ARHGAP15: variants seen among roughly 807,000 people sequenced by gnomAD.
ARHGAP15 encodes rho GTPase-activating protein 15.
In ARHGAP15, 51 loss-of-function variants were observed where a neutral mutation model predicts 63.7. That is an observed-to-expected ratio of 0.80 (90% CI 0.64 to 1.01). ARHGAP15 has a LOEUF of 1.01. ARHGAP15 is among the 50% of genes least tolerant of loss of function. ARHGAP15 has a pLI of 0.00. For synonymous variants in ARHGAP15, 191 were observed against 193.8 expected (o/e 0.99, Z 0.12); for missense variants, 560 against 564.6 (o/e 0.99, Z 0.08).
chr2:143,703,406 T>C lies in ARHGAP15; in HGVS notation c.1139-13T>C. On this transcript the variant is annotated splice_polypyrimidine_tract_variant and intron_variant, in intron 12 of 13. Transcript: ENST00000295095. ...GTTTTTTCCCTAACCTTCCTTTTTA[T>C]TTTTTTTTCCAGAAAAGCAAGACAA... The C allele has an allele frequency of 6.5e-7, 1 of 1,543,504 alleles. No homozygotes were observed. The highest frequency in any genetic ancestry group is 1.2e-5 in the South Asian group (1 of 83,712).
intron 6 of ARHGAP15, among the ~76,000 whole-genome samples, chr2:143,296,985 T>G (rs553920776): frequency 2.0e-5 from 3 of 152,094 alleles, no homozygotes; most frequent in African/African-American, 2.4e-5. Flanking sequence ...TTAGGTTATA[T>G]GCTTATTTGT....
chr2:143,408,515 A>T (rs964692403), intron 6 of ARHGAP15, among the ~76,000 whole-genome samples: 1 of 151,746 alleles, frequency 6.6e-6, no homozygotes, highest in Non-Finnish European at 1.5e-5. Flanking sequence ...AGATTAGATT[A>T]AGAATTTCCT....
intron 13 of ARHGAP15, among the ~76,000 whole-genome samples, chr2:143,710,633 T>G (rs1228654072): frequency 6.6e-6 from 1 of 152,220 alleles, no homozygotes; most frequent in Non-Finnish European, 1.5e-5. Flanking sequence ...AACCTAAAGT[T>G]GCTACCATCC....
intron 6 of ARHGAP15, among the ~76,000 whole-genome samples, chr2:143,356,611 A>G (rs957465645): frequency 3.3e-5 from 5 of 151,564 alleles, no homozygotes; most frequent in Non-Finnish European, 5.9e-5. Flanking sequence ...TTCCCAAAAT[A>G]AAGCATTGGC....
At chr2:143,324,035 G>A (rs777696435) in intron 6 of ARHGAP15, among the ~76,000 whole-genome samples, 1 of 151,010 alleles carries the variant, frequency 6.6e-6, no homozygotes, top group African/African-American at 2.4e-5. Context: ...ATGTAAGCAT[G>A]AAGAAGTTGA....
intron 6 of ARHGAP15, among the ~76,000 whole-genome samples, chr2:143,431,010 G>A (rs1238381293): frequency 6.6e-6 from 1 of 152,056 alleles, no homozygotes; most frequent in African/African-American, 2.4e-5. Flanking sequence ...ATTTGAAGGA[G>A]TTGTAGATAA....
intron 9 of ARHGAP15, among the ~76,000 whole-genome samples, chr2:143,492,629 A>T (rs888432282): frequency 2.6e-5 from 4 of 151,914 alleles, no homozygotes; most frequent in Non-Finnish European, 4.4e-5. Flanking sequence ...AGGCGTGGTG[A>T]TGCATGTCTA....
At chr2:143,190,458 T>C (rs1322724744) in intron 2 of ARHGAP15, among the ~76,000 whole-genome samples, 1 of 152,164 alleles carries the variant, frequency 6.6e-6, no homozygotes, top group African/African-American at 2.4e-5. Context: ...ATCTGGGAGG[T>C]TGACTGAGGA....
chr2:143,616,468 G>T (rs1486637263), intron 11 of ARHGAP15, among the ~76,000 whole-genome samples: 2 of 152,146 alleles, frequency 1.3e-5, no homozygotes, highest in Middle Eastern at 3.2e-3. Flanking sequence ...CGCATGCTTT[G>T]GTCTTCTCAA....
At chr2:143,661,471 A>C (rs1428609450) in intron 12 of ARHGAP15, among the ~76,000 whole-genome samples, 1 of 152,216 alleles carries the variant, frequency 6.6e-6, no homozygotes, top group Non-Finnish European at 1.5e-5. Context: ...TGAGAGAGAC[A>C]AGGGTACAAA....
Position 143,168,341 on chromosome 2 carries a change from C to A in ARHGAP15, c.165+12686C>A, listed in dbSNP as rs558015570. Among the ~76,000 whole-genome samples, 150 of 151,984 alleles carry A rather than the reference C, an allele frequency of 9.9e-4. 2 individuals carry two copies. Among genetic ancestry groups the A allele is most frequent in the East Asian group, 2.3e-3 (12 of 5,136 alleles). The stretch of plus-strand genomic sequence containing the variant: ...TACAGGTGCACACCATCAATCCTGG[C>A]TGTTTTTCAAGTTTTTTTGTAGAAA... On this transcript the variant is annotated intron_variant, in intron 2 of 13. Transcript: ENST00000295095.
intron 13 of ARHGAP15, among the ~76,000 whole-genome samples, chr2:143,715,591 G>T (rs760652668): frequency 7.2e-5 from 11 of 152,094 alleles, no homozygotes; most frequent in Non-Finnish European, 1.5e-4. Context: ...TTGTAAATTC[G>T]TTTAAGTACC....
intron 3 of ARHGAP15, among the ~76,000 whole-genome samples, chr2:143,206,182 C>T (rs771401007): frequency 6.6e-6 from 1 of 152,072 alleles, no homozygotes; most frequent in Non-Finnish European, 1.5e-5. Flanking sequence ...GTGTTGCTCA[C>T]TCTTATTTCA....
At chr2:143,485,203 A>G (rs1022626353) in intron 8 of ARHGAP15, among the ~76,000 whole-genome samples, 2 of 152,118 alleles carry the variant, frequency 1.3e-5, no homozygotes, top group African/African-American at 4.8e-5. Flanking sequence ...TTCAAGCCCC[A>G]CATGCATTAG....
In ARHGAP15 at chr2:143,155,356, G is replaced by A. The variant is rs550595130; in HGVS notation, c.-14-121G>A. Reference sequence around the variant, plus strand: ...ACTACTTTTTTCTTCACTAGTCAGAGAGGTGAAGACTCTTGTTTATCAACT... The same window carrying A: ...ACTACTTTTTTCTTCACTAGTCAGAAAGGTGAAGACTCTTGTTTATCAACT... On this transcript the variant is annotated intron_variant, in intron 1 of 13. Coordinates refer to ENST00000295095, the MANE Select transcript of ARHGAP15 (RefSeq NM_018460.4). 66 of 913,488 alleles carry A rather than the reference G, an allele frequency of 7.2e-5. No homozygotes were observed. The South Asian group carries it at 1.2e-3, about 17-fold the overall frequency. The allele number at this position is 913,488 out of a possible 1,614,324, so 56.6% of individuals were successfully genotyped here.
chr2:143,386,760 G>A (rs1687303920), intron 6 of ARHGAP15, among the ~76,000 whole-genome samples: 1 of 152,000 alleles, frequency 6.6e-6, no homozygotes, highest in Non-Finnish European at 1.5e-5. Flanking sequence ...TCACTACTTT[G>A]CCATGTAATA....
intron 3 of ARHGAP15, among the ~76,000 whole-genome samples, chr2:143,215,271 GT>G (rs1325798074): frequency 6.8e-6 from 1 of 146,406 alleles, no homozygotes; most frequent in Non-Finnish European, 1.5e-5. Context: ...TTAAAATTTG[GT>G]TTTCTTCTTA....
chr2:143,734,393 G>A (rs1208344695), intron 13 of ARHGAP15, among the ~76,000 whole-genome samples: 3 of 152,104 alleles, frequency 2.0e-5, no homozygotes, highest in East Asian at 3.8e-4. Flanking sequence ...CTTTGGCATC[G>A]CTTGTCAAAT....
chr2:143,178,989 T>C (rs1454331598), intron 2 of ARHGAP15, among the ~76,000 whole-genome samples: 6 of 152,224 alleles, frequency 3.9e-5, no homozygotes, highest in Non-Finnish European at 7.3e-5. Context: ...GGTAAAGCCT[T>C]AGGCTCATTT....
Sources: allele counts gnomAD v4.1 joint callset (sites outside exome capture counted in the v4.1 genomes callset), GRCh38; gene constraint gnomAD v4.1.1; transcripts MANE v1.5; gene names NCBI Gene and HGNC (gene_info 2026-07-23, HGNC 2026-07-21).